CDK4: variants seen among roughly 807,000 people sequenced by gnomAD.
CDK4 encodes cyclin dependent kinase 4.
A neutral mutation model predicts 36.7 loss-of-function variants in CDK4; 13 were observed. The observed-to-expected ratio is 0.35, with a 90% CI of 0.23 to 0.56. CDK4 has a LOEUF of 0.56. Among genes scored for constraint, CDK4 ranks in the 20% least tolerant of loss-of-function variants. CDK4 has a pLI of 0.85. For synonymous variants in CDK4, 158 were observed against 146.4 expected, an observed-to-expected ratio of 1.08 and a Z score of -0.57; for missense variants, 285 against 387.3, an observed-to-expected ratio of 0.74 and a Z score of 2.22.
In CDK4 at chr12:57,749,483, A is replaced by G. The variant is rs766518915; in HGVS notation, c.654T>C (p.Ser218=). 1.9e-6 allele frequency: 3 copies of G among 1,614,244 alleles called. No individual in the cohort carries two copies. Among genetic ancestry groups the G allele is most frequent in the South Asian group, 2.2e-5 (2 of 91,090 alleles). Residue 218 remains serine, a synonymous_variant, in exon 6 of 8, where the codon TCT becomes TCC. Coordinates refer to ENST00000257904, the MANE Select transcript of CDK4 (RefSeq NM_000075.4). ...FRRKPLFCGN[S]EADQLGKIFD... is the part of the protein sequence containing the mutation. ...AGATTTTGCCCAACTGGTCGGCTTC[A>G]GAGTTTCCACAGAAGAGAGGCCTAA...
intron 7 of CDK4, 94 bp from the exon 8 acceptor site, chr12:57,748,711 T>TTC (rs1955191082): frequency 1.4e-6 from 1 of 735,648 alleles, no homozygotes; most frequent in African/African-American, 2.1e-5. Context: ...CTTTTTTCTT[T>TTC]TTTTTTTTTT....
chr12:57,748,502 T>G lies in CDK4; in HGVS notation c.*23A>C, dbSNP rs754876640. On this transcript the variant is annotated 3_prime_UTR_variant, in exon 8 of 8. Coordinates refer to ENST00000257904, the MANE Select transcript of CDK4 (RefSeq NM_000075.4). ...GAAGGGAAATGGCAGCTTTTCTTCC[T>G]TCCATGGCAGCCACTCCATTGCTCA... The G allele has an allele frequency of 1.7e-5, 26 of 1,562,812 alleles. No individual in the cohort carries two copies. The African/African-American group carries it at 3.1e-4, about 19-fold the overall frequency.
At position 57,750,941 on chromosome 12, in the gene CDK4, C is replaced by G. The variant is rs770086242; in HGVS notation, c.504G>C (p.Gln168His). 3 of 1,614,230 alleles carry G rather than the reference C, an allele frequency of 1.9e-6. No homozygotes were observed. Among genetic ancestry groups the G allele is most frequent in the Non-Finnish European group, 2.5e-6 (3 of 1,180,046 alleles). The change falls in exon 4 of 8, where the codon CAG becomes CAC. Residue 168 changes from glutamine (Q) to histidine (H), a missense_variant. Coordinates refer to ENST00000257904, the MANE Select transcript of CDK4 (RefSeq NM_000075.4). ...DFGLARIYSY[Q>H]MALTPVVVTL... Reference sequence around the variant, plus strand: ...TACTGACCACGGGTGTAAGTGCCATCTGGTAGCTGTAGATTCTGGCCAGGC... The same window carrying G: ...TACTGACCACGGGTGTAAGTGCCATGTGGTAGCTGTAGATTCTGGCCAGGC...
Position 57,751,196 on chromosome 12 carries a change from A to ACC in CDK4, c.354+9_354+10dup. ...CCAATCCACCTCTCAATGCCTACCA[A>ACC]CCCCACTCACCTTGATCGTTTCGGC... On this transcript the variant is annotated intron_variant, in intron 3 of 7. Coordinates refer to ENST00000257904, the MANE Select transcript of CDK4 (RefSeq NM_000075.4). This position sits in a 1 kb window ranked among gnomAD's most constrained non-coding sequence, Gnocchi z 4.5. 2 of 1,613,572 alleles carry ACC rather than the reference A, an allele frequency of 1.2e-6. No individual in the cohort carries two copies. Among genetic ancestry groups the ACC allele is most frequent in the Non-Finnish European group, 1.7e-6 (2 of 1,179,874 alleles).
intron 5 of CDK4, 49 bp downstream of exon 5, chr12:57,750,607 C>T (rs780676144): frequency 5.4e-6 from 7 of 1,286,364 alleles, no homozygotes; most frequent in Non-Finnish European, 7.9e-6. Context: ...GGTTTATGAA[C>T]AAGCGATTTG....
intron 5 of CDK4, chr12:57,749,859 T>C (rs1955212028): frequency 5.8e-6 from 2 of 345,034 alleles, no homozygotes; most frequent in Admixed American, 4.2e-5. Context: ...TAGCTGAGCA[T>C]GGTGGCGTGC....
intron 1 of CDK4, 137 bp downstream of exon 1, chr12:57,752,038 A>T (rs1333259459): frequency 2.3e-6 from 1 of 426,352 alleles, no homozygotes; most frequent in African/African-American, 2.0e-5. Flanking sequence ...CCCTAAAATT[A>T]TACTTTCCCA....
At position 57,751,658 on chromosome 12, in the gene CDK4, C is replaced by T. The variant is rs1595111186; in HGVS notation, c.60G>A (p.Val20=). The T allele has an allele frequency of 1.9e-6, 3 of 1,614,056 alleles. No individual in the cohort carries two copies. The highest frequency in any genetic ancestry group is 1.7e-6 in the Non-Finnish European group (2 of 1,180,038). ...CACTGTGGGGATCACGGGCCTTGTA[C>T]ACTGTCCCATAGGCACCGACACCAA... ...AEIGVGAYGT[V]YKARDPHSGH... Residue 20 remains valine, a synonymous_variant, in exon 2 of 8, where the codon GTG becomes GTA. Transcript: ENST00000257904. The surrounding 1 kb of genome is among the most constrained non-coding windows in gnomAD (Gnocchi z 4.5).
In CDK4 at chr12:57,751,722, A is replaced by G. The variant is rs2140388839; in HGVS notation, c.-5T>C. The G allele has an allele frequency of 6.2e-7, 1 of 1,613,708 alleles. No homozygotes were observed. Among genetic ancestry groups the G allele is most frequent in the African/African-American group, 1.3e-5 (1 of 75,034 alleles). On this transcript the variant is annotated 5_prime_UTR_variant, in exon 2 of 8. Transcript: ENST00000257904. This position sits in a 1 kb window ranked among gnomAD's most constrained non-coding sequence, Gnocchi z 4.5. ...CTCATATCGAGAGGTAGCCATTCTC[A>G]GATCAAGGGAGACCCTACAATCACA...
rs201744062 is a variant in CDK4 at position 57,749,200 on chromosome 12, C to G, written c.801G>C (p.Ser267=). The G allele has an allele frequency of 1.2e-6, 2 of 1,614,052 alleles. No homozygotes were observed. The highest frequency in any genetic ancestry group is 4.5e-5 in the East Asian group (2 of 44,888). ...VQSVVPEMEE[S]GAQLLLEMLT... The stretch of plus-strand genomic sequence containing the variant: ...CCAGTACCAGCAGCAGCTGTGCTCC[C>G]GACTCCTCCATCTCAGGTACCACCG... Residue 267 remains serine, a synonymous_variant, in exon 7 of 8, where the codon TCG becomes TCC. Coordinates refer to ENST00000257904, the MANE Select transcript of CDK4 (RefSeq NM_000075.4).
In CDK4 at chr12:57,751,858, C is replaced by T. The variant is rs1453491881; in HGVS notation, c.-19-122G>A. On this transcript the variant is annotated intron_variant, in intron 1 of 7. Coordinates refer to ENST00000257904, the MANE Select transcript of CDK4 (RefSeq NM_000075.4). The surrounding 1 kb of genome is among the most constrained non-coding windows in gnomAD (Gnocchi z 4.5). Reference sequence around the variant, plus strand: ...AACACCACCAGCATCCCATCCCCCGCTCCCAGTCTTCCTTGGGGCCGGCCC... The same window carrying T: ...AACACCACCAGCATCCCATCCCCCGTTCCCAGTCTTCCTTGGGGCCGGCCC... 6 of 721,004 alleles carry T rather than the reference C, an allele frequency of 8.3e-6. No individual in the cohort carries two copies. The Admixed American group carries it at 1.3e-4, about 16-fold the overall frequency. The allele number at this position is 721,004 out of a possible 1,614,324, so 44.7% of individuals were successfully genotyped here.
At position 57,751,869 on chromosome 12, in the gene CDK4, C is replaced by T; in HGVS notation, c.-19-133G>A. Reference sequence around the variant, plus strand: ...CATCCCATCCCCCGCTCCCAGTCTTCCTTGGGGCCGGCCCCAGAGATAACA... The same window carrying T: ...CATCCCATCCCCCGCTCCCAGTCTTTCTTGGGGCCGGCCCCAGAGATAACA... On this transcript the variant is annotated intron_variant, in intron 1 of 7. Transcript: ENST00000257904. The surrounding 1 kb of genome is among the most constrained non-coding windows in gnomAD (Gnocchi z 4.5). 1.4e-6 allele frequency: 1 copy of T among 696,834 alleles called. No individual in the cohort carries two copies. The highest frequency in any genetic ancestry group is 2.5e-6 in the Non-Finnish European group (1 of 395,388). The allele number at this position is 696,834 out of a possible 1,614,324, so 43.2% of individuals were successfully genotyped here.
chr12:57,750,464 A>AGCTGAGAT (rs1481084248), intron 5 of CDK4, 192 bp downstream of exon 5: 1 of 617,224 alleles, frequency 1.6e-6, no homozygotes, highest in Admixed American at 2.2e-5. Context: ...CTAGTTGGGA[A>AGCTGAGAT]GCTGAGATGG....
At chr12:57,750,277 T>C (rs2140385185) in intron 5 of CDK4, 1 of 288,560 alleles carries the variant, frequency 3.5e-6, no homozygotes, top group East Asian at 8.2e-5. Context: ...AAGTTAGTAG[T>C]ACGCAAGTAA....
chr12:57,748,781 C>T, intron 7 of CDK4, 164 bp from the exon 8 acceptor site: 4 of 610,252 alleles, frequency 6.6e-6, no homozygotes, highest in South Asian at 1.8e-5. Flanking sequence ...TCTCAGCTCA[C>T]TGCAACCTCC....
Position 57,751,312 on chromosome 12 carries a change from A to C in CDK4, c.249T>G (p.Thr83=). Residue 83 remains threonine (T), a synonymous_variant, in exon 3 of 8, where the codon ACT becomes ACG. Transcript: ENST00000257904. The surrounding 1 kb of genome is among the most constrained non-coding windows in gnomAD (Gnocchi z 4.5). ...RLMDVCATSR[T]DREIKVTLVF... Reference sequence around the variant, plus strand: ...CCAGGGTTACCTTGATCTCCCGGTCAGTTCGGGATGTGGCACAGACGTCCA... The same window carrying C: ...CCAGGGTTACCTTGATCTCCCGGTCCGTTCGGGATGTGGCACAGACGTCCA... 6.2e-7 allele frequency: 1 copy of C among 1,614,188 alleles called. No homozygotes were observed. Among genetic ancestry groups the C allele is most frequent in the South Asian group, 1.1e-5 (1 of 91,078 alleles).
In CDK4 at chr12:57,748,347, AAGG is replaced by A; in HGVS notation, c.*175_*177del. The stretch of plus-strand genomic sequence containing the variant: ...CTTAGTGTAGAGAAATGGGAAGGAG[AAGG>A]AGAAGCCTCAAAAGGAGAGGTGGGA... On this transcript the variant is annotated 3_prime_UTR_variant, in exon 8 of 8. Coordinates refer to ENST00000257904, the MANE Select transcript of CDK4 (RefSeq NM_000075.4). The A allele has an allele frequency of 2.9e-6, 2 of 685,536 alleles. No individual in the cohort carries two copies. Among genetic ancestry groups the A allele is most frequent in the Non-Finnish European group, 5.4e-6 (2 of 372,418 alleles). 42.5% of individuals were successfully genotyped at this position (685,536 alleles called of 1,614,324 possible). A position where few individuals can be genotyped will look rare whatever the true frequency, so the allele number is the denominator to read the frequency against.
rs1368528782 is a variant in CDK4, at chr12:57,751,521, A to G, written c.197T>C (p.Phe66Ser). 4 of 1,614,084 alleles carry G rather than the reference A, an allele frequency of 2.5e-6. No individual in the cohort carries two copies. ...TCACCGGACAACATTGGGATGCTCA[A>G]AAGCCTCCAGTCGCCTCAGTAAAGC... is the stretch of plus-strand genomic sequence containing the variant. ...EVALLRRLEA[F>S]EHPNVVRLMD... The change falls in exon 2 of 8, where the codon TTT becomes TCT. Residue 66 changes from phenylalanine to serine, a missense_variant. Transcript: ENST00000257904. The surrounding 1 kb of genome is among the most constrained non-coding windows in gnomAD (Gnocchi z 4.5).
rs1955193506 is a variant in CDK4 at position 57,748,856 on chromosome 12, C to T, written c.820-239G>A. 4 of 552,672 alleles carry T rather than the reference C, an allele frequency of 7.2e-6. No homozygotes were observed. The East Asian group carries it at 1.3e-4, about 17-fold the overall frequency. The allele number at this position is 552,672 out of a possible 1,614,324, so 34.2% of individuals were successfully genotyped here. ...AAGTAGCTGAGATTACAGGCGTGTG[C>T]CACCACCCCCGGCTTATTTTTGTAC... On this transcript the variant is annotated intron_variant, in intron 7 of 7. Transcript: ENST00000257904.
Sources: gnomAD v4.1 joint callset for allele counts on GRCh38, gnomAD v4.1.1 for gene constraint, Gnocchi (gnomAD v3.1) non-coding constraint, MANE v1.5 for transcripts, NCBI Gene and HGNC (gene_info 2026-07-23, HGNC 2026-07-21) for gene names.